Variants in DNAH9 observed in about 807,000 individuals in gnomAD.
DNAH9 encodes the protein dynein axonemal heavy chain 9, also known as DNAH9 variant protein.
Under a neutral mutation model 471.6 loss-of-function variants are expected in DNAH9, and 345 were observed. That is an observed-to-expected ratio of 0.73 (90% confidence interval 0.67 to 0.80). The LOEUF (loss-of-function observed/expected upper bound fraction) is 0.80, where lower values mean the gene tolerates loss of function less well. Ranked by LOEUF, DNAH9 falls within the 30% of genes least tolerant of loss-of-function variation. The pLI is 0.00. For synonymous variants in DNAH9, 2,093 were observed against 2,123.6 expected, an observed-to-expected ratio of 0.99 and a Z score of 0.40; for missense variants, 5,407 against 5,609.2, an observed-to-expected ratio of 0.96 and a Z score of 1.15.
chr17:11,902,959 G>T, intron 60 of DNAH9, 47 bp downstream of exon 60: 1 of 1,575,990 alleles, frequency 6.3e-7, no homozygotes, highest in Non-Finnish European at 8.6e-7. Flanking sequence ...TGGGGCAAGG[G>T]CAACCTCAGG....
intron 31 of DNAH9, among the ~76,000 whole-genome samples, chr17:11,745,849 G>C (rs528315281): frequency 6.6e-6 from 1 of 152,134 alleles, no homozygotes; most frequent in Non-Finnish European, 1.5e-5. Flanking sequence ...GTTATAAGCA[G>C]TATTATGTAT....
intron 27 of DNAH9, chr17:11,723,326 A>G (rs181662953): frequency 1.3e-5 from 2 of 152,050 alleles, no homozygotes; most frequent in East Asian, 3.9e-4. Context: ...TTCCTTCCCT[A>G]CCTCTAATCG....
rs1567552145 is a variant in DNAH9 at position 11,921,242 on chromosome 17, GATTT to G, written c.11750-2571_11750-2568del. 2.3e-4 allele frequency among the ~76,000 whole-genome samples: 34 copies of G among 149,754 alleles called. 1 individual carries two copies. The East Asian group carries it at 6.4e-3, about 28-fold the overall frequency. On this transcript the variant is annotated intron_variant, in intron 61 of 68. Transcript: ENST00000262442. Reference sequence around the variant, plus strand: ...TGGGTGAAAAAAAAGAAAAAAAGGTGATTTTTTTTTTTTCTTTTTTATGAAGGTG... The same window carrying G: ...TGGGTGAAAAAAAAGAAAAAAAGGTGTTTTTTTTTCTTTTTTATGAAGGTG...
Position 11,902,861 on chromosome 17 carries a change from G to A in DNAH9, c.11549G>A (p.Arg3850His), listed in dbSNP as rs183724436. 4.2e-5 allele frequency: 67 copies of A among 1,613,886 alleles called. No homozygotes were observed. Among genetic ancestry groups the A allele is most frequent in the East Asian group, 2.0e-4 (9 of 44,884 alleles). The stretch of plus-strand genomic sequence containing the variant: ...TGGAAGAACAAGACAGCCCTGCAGC[G>A]CCTCTGCATGCTGAGAGCCATGCGG... The part of the protein sequence containing the change: ...QEWKNKTALQ[R>H]LCMLRAMRPD... The change falls in exon 60 of 69, where the codon CGC (arginine) becomes CAC (histidine). Residue 3850 changes from arginine to histidine, a missense_variant. Around this residue, in one of 3 missense-constraint regions of DNAH9, gnomAD observed 4,636 missense variants for 4,900.3 expected, o/e 0.95. Coordinates refer to ENST00000262442, the MANE Select transcript of DNAH9 (RefSeq NM_001372.4).
intron 26 of DNAH9, among the ~76,000 whole-genome samples, chr17:11,708,534 G>T (rs12452117): frequency 0.037 from 5,568 of 152,238 alleles, 175 homozygotes; most frequent in Admixed American, 0.061. Flanking sequence ...GGGGTGGGGG[G>T]CGTGGAGTCT....
At chr17:11,637,654 G>A (rs1053033952) in intron 9 of DNAH9, among the ~76,000 whole-genome samples, 8 of 152,218 alleles carry the variant, frequency 5.3e-5, no homozygotes, top group Admixed American at 2.6e-4. Context: ...GTCGCACAGC[G>A]CTTTGCACAT....
chr17:11,821,889 G>A (rs773491619), intron 45 of DNAH9, 31 bp from the exon 46 acceptor site: 1 of 1,595,432 alleles, frequency 6.3e-7, no homozygotes, highest in South Asian at 1.1e-5. Flanking sequence ...GAGATGCCAA[G>A]GCTGCCTATC....
chr17:11,794,243 A>C (rs902326376), intron 42 of DNAH9, among the ~76,000 whole-genome samples: 14 of 151,938 alleles, frequency 9.2e-5, no homozygotes, highest in Non-Finnish European at 1.9e-4. Flanking sequence ...ACGGAGTTTC[A>C]CTGTTTCACC....
At position 11,807,780 on chromosome 17, in the gene DNAH9, G is replaced by A. The variant is rs946420567; in HGVS notation, c.8469G>A (p.Leu2823=). Residue 2823 remains leucine, a synonymous_variant, in exon 44 of 69, where the codon CTG becomes CTA. Transcript: ENST00000262442. ...ILESPRGNAL[L]VGVGGSGKQS... ...AGTCCCCGCGGGGAAATGCTCTGCT[G>A]GTTGGTGTAGGTGGGAGCGGCAAGC... 1.1e-5 allele frequency: 17 copies of A among 1,613,798 alleles called. No individual in the cohort carries two copies. Among genetic ancestry groups the A allele is most frequent in the Non-Finnish European group, 1.4e-5 (17 of 1,179,830 alleles).
chr17:11,688,442 G>T (rs146720968), intron 19 of DNAH9, among the ~76,000 whole-genome samples: 1 of 152,288 alleles, frequency 6.6e-6, no homozygotes, highest in African/African-American at 2.4e-5. Flanking sequence ...CAGATTCAAG[G>T]CACACAGTGA....
intron 59 of DNAH9, among the ~76,000 whole-genome samples, chr17:11,901,428 G>T (rs182732718): frequency 2.0e-5 from 3 of 152,280 alleles, no homozygotes; most frequent in Admixed American, 2.0e-4. Context: ...GGGTGTGGTG[G>T]CTCACACCCG....
At chr17:11,830,254 C>T (rs2150949647) in intron 48 of DNAH9, among the ~76,000 whole-genome samples, 1 of 152,332 alleles carries the variant, frequency 6.6e-6, no homozygotes, top group South Asian at 2.1e-4. Context: ...TCACTTGTCC[C>T]TCGTTGGCAC....
At chr17:11,745,991 A>C (rs1170013275) in intron 31 of DNAH9, among the ~76,000 whole-genome samples, 1 of 152,234 alleles carries the variant, frequency 6.6e-6, no homozygotes, top group Non-Finnish European at 1.5e-5. Context: ...ATTCTAGAAA[A>C]AGAACAGAAA....
chr17:11,829,439 A>C (rs1283004632), intron 48 of DNAH9, among the ~76,000 whole-genome samples: 1 of 152,172 alleles, frequency 6.6e-6, no homozygotes, highest in Non-Finnish European at 1.5e-5. Context: ...TATATTGTAA[A>C]GTTCACAAAC....
In DNAH9 at chr17:11,962,207, G is replaced by T. The variant is rs916469398; in HGVS notation, c.13184G>T (p.Gly4395Val). 8.1e-6 allele frequency: 13 copies of T among 1,613,702 alleles called. No homozygotes were observed. The highest frequency in any genetic ancestry group is 1.1e-5 in the Non-Finnish European group (13 of 1,179,942). The change falls in exon 68 of 69, where the codon GGG becomes GTG. Residue 4395 changes from glycine (G) to valine (V), a missense_variant. Around this residue, in one of 3 missense-constraint regions of DNAH9, gnomAD observed 4,636 missense variants for 4,900.3 expected, o/e 0.95. Transcript: ENST00000262442. The surrounding 1 kb of genome is among the most constrained non-coding windows in gnomAD (Gnocchi z 4.1). ...REEFRSPPRE[G>V]AYIHGLFMEG... ...GAGTTTAGGAGTCCTCCTCGGGAAG[G>T]GGCCTACATCCATGGCCTCTTCATG... is the stretch of plus-strand genomic sequence containing the variant.
intron 41 of DNAH9, among the ~76,000 whole-genome samples, chr17:11,790,593 T>C (rs1434281958): frequency 6.6e-6 from 1 of 152,044 alleles, no homozygotes; most frequent in East Asian, 1.9e-4. Context: ...CAGCATACGG[T>C]TGGGTTCTTT....
intron 38 of DNAH9, among the ~76,000 whole-genome samples, chr17:11,769,969 G>A (rs1393163260): frequency 6.6e-6 from 1 of 152,196 alleles, no homozygotes; most frequent in Non-Finnish European, 1.5e-5. Context: ...GCTTTGTTTT[G>A]GAGAAGCTTC....
intron 6 of DNAH9, among the ~76,000 whole-genome samples, chr17:11,622,968 CTTTTT>C (rs10551080): frequency 5.7e-5 from 6 of 105,386 alleles, no homozygotes; most frequent in Non-Finnish European, 9.3e-5. Context: ...TTTTCTTTTT[CTTTTT>C]TTTTTTTTTT....
chr17:11,642,482 G>A (rs1382581733), intron 10 of DNAH9, among the ~76,000 whole-genome samples: 1 of 152,176 alleles, frequency 6.6e-6, no homozygotes, highest in Non-Finnish European at 1.5e-5. Flanking sequence ...AACCTGGGAG[G>A]CAGAGGTTGC....
Sources: allele counts gnomAD v4.1 joint callset (sites outside exome capture counted in the v4.1 genomes callset), GRCh38; gene constraint gnomAD v4.1.1; regional missense constraint gnomAD v4.1.1; non-coding constraint Gnocchi (gnomAD v3.1); transcripts MANE v1.5; gene names NCBI Gene and HGNC (gene_info 2026-07-23, HGNC 2026-07-21).